The following MACROD2 variants were observed in gnomAD, a reference collection of about 807,000 sequenced individuals.
MACROD2 encodes the protein mono-ADP ribosylhydrolase 2.
A neutral mutation model predicts 70.4 loss-of-function variants in MACROD2; 36 were observed. The ratio of observed to expected loss-of-function variants is 0.51; its 90% CI spans 0.39 to 0.68. The LOEUF (loss-of-function observed/expected upper bound fraction) is 0.68, where lower values mean the gene tolerates loss of function less well. MACROD2 is among the 30% of genes least tolerant of loss of function. The probability of loss-of-function intolerance (pLI) is 0.00; values close to 1 mark genes in which losing one functional copy is unlikely to be tolerated. For synonymous variants in MACROD2, 172 were observed against 178.8 expected (o/e 0.96, Z 0.30); for missense variants, 496 against 538.4 (o/e 0.92, Z 0.78).
At chr20:14,307,761 T>C (rs1424257075) in intron 3 of MACROD2, among the ~76,000 whole-genome samples, 1 of 152,166 alleles carries the variant, frequency 6.6e-6, no homozygotes. Context: ...TTTTCTAATT[T>C]AGCTTTATTT....
At chr20:15,797,176 T>C (rs1036774954) in intron 8 of MACROD2, among the ~76,000 whole-genome samples, 6 of 152,000 alleles carry the variant, frequency 3.9e-5, no homozygotes, top group Non-Finnish European at 7.4e-5. Flanking sequence ...TGCAGTGGCG[T>C]GATCTCGGCT....
intron 4 of MACROD2, among the ~76,000 whole-genome samples, chr20:14,568,421 C>A (rs1979952032): frequency 6.6e-6 from 1 of 151,944 alleles, no homozygotes; most frequent in Admixed American, 6.6e-5. Flanking sequence ...GCATTCCGTT[C>A]CTTTGACAGT....
chr20:14,986,800 G>C (rs766834804), intron 5 of MACROD2, among the ~76,000 whole-genome samples: 1 of 152,082 alleles, frequency 6.6e-6, no homozygotes, highest in Non-Finnish European at 1.5e-5. Context: ...TTCTCTCCCC[G>C]TCACCTCCTC....
At chr20:14,484,799 C>A (rs747955209) in intron 3 of MACROD2, among the ~76,000 whole-genome samples, 2 of 152,186 alleles carry the variant, frequency 1.3e-5, no homozygotes, top group Non-Finnish European at 2.9e-5. Context: ...GAATACTACT[C>A]CATTGTGTAG....
chr20:14,205,982 A>G (rs1007270136), intron 3 of MACROD2, among the ~76,000 whole-genome samples: 1 of 152,230 alleles, frequency 6.6e-6, no homozygotes, highest in South Asian at 2.1e-4. Context: ...CAGTGCTTAT[A>G]GGAGTAACTA....
chr20:15,068,880 G>A (rs1009665337), intron 5 of MACROD2, among the ~76,000 whole-genome samples: 2 of 152,186 alleles, frequency 1.3e-5, no homozygotes, highest in African/African-American at 4.8e-5. Context: ...TTTGAAACTG[G>A]TAATGGGCAC....
At chr20:15,744,693 T>TAC (rs11467530) in intron 8 of MACROD2, among the ~76,000 whole-genome samples, 2,078 of 148,280 alleles carry the variant, frequency 0.014, 23 homozygotes, top group African/African-American at 0.032. Context: ...AAACCAAGTA[T>TAC]ACACACACAC....
chr20:14,045,332 A>G (rs1194889108), intron 2 of MACROD2, among the ~76,000 whole-genome samples: 2 of 152,234 alleles, frequency 1.3e-5, no homozygotes, highest in South Asian at 2.1e-4. Flanking sequence ...GGCTGCCAGC[A>G]TGCTGTCACC....
chr20:15,429,120 C>A (rs1449015162), intron 6 of MACROD2, among the ~76,000 whole-genome samples: 2 of 152,120 alleles, frequency 1.3e-5, no homozygotes, highest in African/African-American at 2.4e-5. Context: ...CTAATCGTAA[C>A]AAATATATAG....
At chr20:14,264,091 A>C (rs1034463940) in intron 3 of MACROD2, among the ~76,000 whole-genome samples, 2 of 152,036 alleles carry the variant, frequency 1.3e-5, no homozygotes, top group African/African-American at 4.8e-5. Context: ...TACTATGAAG[A>C]ATGGTTGAAG....
At chr20:15,902,715 C>T (rs576641666) in intron 10 of MACROD2, among the ~76,000 whole-genome samples, 5 of 152,168 alleles carry the variant, frequency 3.3e-5, no homozygotes, top group Admixed American at 2.0e-4. Context: ...GCTGAGGCCC[C>T]CTGCTGGCAG....
chr20:15,770,084 A>ATTTTTTTTTTTTTTTTTT (rs1234797549), intron 8 of MACROD2, among the ~76,000 whole-genome samples: 8 of 125,704 alleles, frequency 6.4e-5, no homozygotes, highest in African/African-American at 2.6e-4. Context: ...ATTTATTTTA[A>ATTTTTTTTTTTTTTTTTT]TTTTCTTTTT....
intron 5 of MACROD2, among the ~76,000 whole-genome samples, chr20:14,817,775 T>C (rs770354590): frequency 6.6e-6 from 1 of 152,136 alleles, no homozygotes; most frequent in South Asian, 2.1e-4. Context: ...ACAACGGAGG[T>C]AGGATATTTA....
At chr20:15,891,757 G>C (rs1343219283) in intron 10 of MACROD2, among the ~76,000 whole-genome samples, 1 of 152,174 alleles carries the variant, frequency 6.6e-6, no homozygotes, top group Non-Finnish European at 1.5e-5. Context: ...GTGCAATACT[G>C]TGGAAAGAAC....
In MACROD2 at chr20:14,187,593, A is replaced by T. The variant is rs183671285; in HGVS notation, c.271+101865A>T. ...TAACTGGTTTATTCTTTGATCTAAA[A>T]GTTAGTCCAGAGTTATAATTACAAC... On this transcript the variant is annotated intron_variant, in intron 3 of 17. Transcript: ENST00000684519. Among the ~76,000 whole-genome samples the T allele has an allele frequency of 4.8e-4, 73 of 152,306 alleles. No individual in the cohort carries two copies. The East Asian group carries it at 9.8e-3, about 20-fold the overall frequency.
At chr20:15,050,749 G>A (rs1440994524) in intron 5 of MACROD2, among the ~76,000 whole-genome samples, 1 of 149,840 alleles carries the variant, frequency 6.7e-6, no homozygotes, top group Non-Finnish European at 1.5e-5. Context: ...AGCCTAGGTT[G>A]CTTTAATTAA....
At chr20:15,319,347 G>A (rs2077848683) in intron 6 of MACROD2, among the ~76,000 whole-genome samples, 1 of 152,178 alleles carries the variant, frequency 6.6e-6, no homozygotes, top group South Asian at 2.1e-4. Context: ...TTATGAATTA[G>A]AAGACTTAAA....
At chr20:15,811,987 G>A (rs1397273113) in intron 8 of MACROD2, among the ~76,000 whole-genome samples, 1 of 152,182 alleles carries the variant, frequency 6.6e-6, no homozygotes, top group Non-Finnish European at 1.5e-5. Flanking sequence ...AGGACAGGTA[G>A]CCAGGAAGGA....
intron 8 of MACROD2, among the ~76,000 whole-genome samples, chr20:15,616,098 C>CT (rs34011264): frequency 0.042 from 4,631 of 111,198 alleles, 228 homozygotes; most frequent in East Asian, 0.084. Flanking sequence ...GTTCCCCATT[C>CT]TTTTTTTTTT....
Sources: allele counts gnomAD v4.1 joint callset (sites outside exome capture counted in the v4.1 genomes callset), GRCh38; gene constraint gnomAD v4.1.1; transcripts MANE v1.5; gene names NCBI Gene and HGNC (gene_info 2026-07-23, HGNC 2026-07-21).